Variants in HELZ2 observed in about 807,000 individuals in gnomAD.
HELZ2 encodes the protein helicase with zinc finger 2.
In HELZ2, 143 loss-of-function variants were observed where a neutral mutation model predicts 208.8. The ratio of observed to expected loss-of-function variants is 0.68; its 90% CI spans 0.60 to 0.79. The LOEUF (loss-of-function observed/expected upper bound fraction) is 0.79, where lower values mean the gene tolerates loss of function less well. Ranked by LOEUF, HELZ2 falls within the 30% of genes least tolerant of loss-of-function variation. The pLI is 0.00. For missense variants in HELZ2, 3,690 were observed against 3,794.5 expected, an observed-to-expected ratio of 0.97 and a Z score of 0.72; for synonymous variants, 1,705 against 1,693.7, an observed-to-expected ratio of 1.01 and a Z score of -0.16.
chr20:63,568,794 C>G (rs894123830), exon 5 of HELZ2: 2 of 1,611,764 alleles, frequency 1.2e-6, no homozygotes, highest in South Asian at 1.1e-5. Flanking sequence ...AGCCGCACCT[C>G]GAACACCGTA....
chr20:63,561,853 G>T, exon 11 of HELZ2: 2 of 1,565,444 alleles, frequency 1.3e-6, no homozygotes, highest in Non-Finnish European at 1.7e-6. Context: ...TTGTTGGAGG[G>T]GCCGCAGTAC....
At chr20:63,561,017 C>T in intron 14 of HELZ2, 65 bp downstream of exon 15, 1 of 1,595,322 alleles carries the variant, frequency 6.3e-7, no homozygotes. Flanking sequence ...ACACACAGGG[C>T]ACCCCAGGTG....
Position 63,562,471 on chromosome 20 carries a change from G to A in HELZ2, c.6302+49C>T, listed in dbSNP as rs774879412. The A allele has an allele frequency of 3.9e-6, 6 of 1,526,410 alleles. No individual in the cohort carries two copies. In the South Asian group the frequency reaches 5.9e-5, roughly 15 times the overall value. The allele number at this position is 1,526,410 out of a possible 1,614,324, so 94.6% of individuals were successfully genotyped here. A position where few individuals can be genotyped will look rare whatever the true frequency, so the allele number is the denominator to read the frequency against. On this transcript the variant is annotated intron_variant, in intron 8 of 18. Transcript: ENST00000467148. Reference sequence around the variant, plus strand: ...GAGCTCCCCCCTCCTGCAAGTGAGGGGCCCGGGGCGGTCCCCCAGCCCAGC... The same window carrying A: ...GAGCTCCCCCCTCCTGCAAGTGAGGAGCCCGGGGCGGTCCCCCAGCCCAGC...
Position 63,569,482 on chromosome 20 carries a change from A to G in HELZ2, c.754T>C (p.Trp252Arg), listed in dbSNP as rs777549365. Residue 252 changes from tryptophan to arginine, a missense_variant, in exon 4 of 19, where the codon TGG becomes CGG. Trp to Arg is a moderately radical substitution (Grantham distance 101, BLOSUM62 -3). Around this residue, in one of 3 missense-constraint regions of HELZ2, gnomAD observed 1,119 missense variants for 1,193.4 expected, o/e 0.94. Coordinates refer to ENST00000467148, the Ensembl canonical transcript of HELZ2. ...CGGCGGCCAAAGTCGAAGACCACCCATTGCTCAAAGGTGCCGAACGAGGCA... is the reference window on the plus strand; with the variant it reads ...CGGCGGCCAAAGTCGAAGACCACCCGTTGCTCAAAGGTGCCGAACGAGGCA... 4 of 1,611,796 alleles carry G rather than the reference A, an allele frequency of 2.5e-6. No individual in the cohort carries two copies. The highest frequency in any genetic ancestry group is 3.4e-6 in the Non-Finnish European group (4 of 1,179,406).
exon 17 of HELZ2, chr20:63,560,208 G>A (rs779461312): frequency 7.4e-5 from 115 of 1,550,030 alleles, no homozygotes; most frequent in Admixed American, 1.3e-4. Flanking sequence ...CCACCCCGGC[G>A]ATGCCCTCTC....
At position 63,571,857 on chromosome 20, in the gene HELZ2, C is replaced by T. The variant is rs1237152554; in HGVS notation, c.278+251G>A. On this transcript the variant is annotated intron_variant, in intron 1 of 18. Transcript: ENST00000467148. ...TCCTGGGAACCTCTGGCTCTGCCTACGGTGGGCTCCTGCCCTGCTCCAAGC... is the reference window on the plus strand; with the variant it reads ...TCCTGGGAACCTCTGGCTCTGCCTATGGTGGGCTCCTGCCCTGCTCCAAGC... 7.0e-4 allele frequency: 114 copies of T among 163,036 alleles called. 2 individuals are homozygous for T. The highest frequency in any genetic ancestry group is 1.9e-3 in the South Asian group (12 of 6,394). The allele number at this position is 163,036 out of a possible 1,614,324, so 10.1% of individuals were successfully genotyped here. A position where few individuals can be genotyped will look rare whatever the true frequency, so the allele number is the denominator to read the frequency against.
exon 6 of HELZ2, chr20:63,567,154 C>T (rs150780967): frequency 1.2e-5 from 19 of 1,610,080 alleles, no homozygotes; most frequent in Non-Finnish European, 1.6e-5. Context: ...GACCAGGCGG[C>T]TCTGCCGCGC....
At position 63,563,307 on chromosome 20, in the gene HELZ2, G is replaced by A. The variant is rs755817159; in HGVS notation, c.5515C>T (p.Arg1839Cys). 23 of 1,544,624 alleles carry A rather than the reference G, an allele frequency of 1.5e-5. No homozygotes were observed. In the Admixed American group the frequency reaches 2.1e-4, roughly 14 times the overall value. Residue 1839 changes from arginine (R) to cysteine (C), a missense_variant, in exon 8 of 19, where the codon CGC (arginine) becomes TGC (cysteine). Physicochemically the swap from Arg to Cys is radical, Grantham distance 180 (BLOSUM62 -3). Around this residue, in one of 3 missense-constraint regions of HELZ2, gnomAD observed 2,564 missense variants for 2,580.5 expected, o/e 0.99. Coordinates refer to ENST00000467148, the Ensembl canonical transcript of HELZ2. ...ATGAGAGCAGCCGCCTCCGGCCAGC[G>A]CTGCAGCTCCACCAGCTCCAGCAGC...
At position 63,566,244 on chromosome 20, in the gene HELZ2, C is replaced by G; in HGVS notation, c.2591-13G>C. 1 of 1,483,720 alleles carries G rather than the reference C, an allele frequency of 6.7e-7. No homozygotes were observed. The highest frequency in any genetic ancestry group is 9.0e-7 in the Non-Finnish European group (1 of 1,112,384). 91.9% of individuals were successfully genotyped at this position (1,483,720 alleles called of 1,614,324 possible). A position where few individuals can be genotyped will look rare whatever the true frequency, so the allele number is the denominator to read the frequency against. On this transcript the variant is annotated splice_polypyrimidine_tract_variant and intron_variant, in intron 7 of 18. Transcript: ENST00000467148. ...CGGAACTGCCGCCCTGCAGGGGGCACGCAGTCAGGTCAGGCTGGGTGCGCA... is the reference window on the plus strand; with the variant it reads ...CGGAACTGCCGCCCTGCAGGGGGCAGGCAGTCAGGTCAGGCTGGGTGCGCA...
chr20:63,567,619 T>C (rs1569036237), exon 6 of HELZ2: 2 of 1,600,042 alleles, frequency 1.2e-6, no homozygotes, highest in Admixed American at 1.7e-5. Context: ...GATGTAGATG[T>C]CGGCGGCACT....
At position 63,561,894 on chromosome 20, in the gene HELZ2, C is replaced by G. The variant is rs755433069; in HGVS notation, c.6620G>C (p.Gly2207Ala). ...GCAGGGACCCCCCAGCCGCTTCTCC[C>G]CACGGGGGGGGCCTCCGGGCTGCAC... is the stretch of plus-strand genomic sequence containing the variant. Residue 2207 changes from glycine (G) to alanine (A), a missense_variant, in exon 11 of 19, where the codon GGG (glycine) becomes GCG (alanine). By Grantham distance (60) the Gly-to-Ala change is moderately conservative. Around this residue, in one of 3 missense-constraint regions of HELZ2, gnomAD observed 2,564 missense variants for 2,580.5 expected, o/e 0.99. Transcript: ENST00000467148. The G allele has an allele frequency of 1.6e-5, 25 of 1,579,112 alleles. No homozygotes were observed. The Admixed American group carries it at 2.8e-4, about 17-fold the overall frequency.
Position 63,566,245 on chromosome 20 carries a change from G to A in HELZ2, c.2591-14C>T, listed in dbSNP as rs762918229. 4.7e-5 allele frequency: 69 copies of A among 1,483,022 alleles called. 1 individual carries two copies. Among genetic ancestry groups the A allele is most frequent in the South Asian group, 2.3e-4 (17 of 74,932 alleles). The allele number at this position is 1,483,022 out of a possible 1,614,324, so 91.9% of individuals were successfully genotyped here. A position where few individuals can be genotyped will look rare whatever the true frequency, so the allele number is the denominator to read the frequency against. On this transcript the variant is annotated splice_polypyrimidine_tract_variant and intron_variant, in intron 7 of 18. Coordinates refer to ENST00000467148, the Ensembl canonical transcript of HELZ2. The stretch of plus-strand genomic sequence containing the variant: ...GGAACTGCCGCCCTGCAGGGGGCAC[G>A]CAGTCAGGTCAGGCTGGGTGCGCAA...
Position 63,563,583 on chromosome 20 carries a change from C to T in HELZ2, c.5239G>A (p.Val1747Met), listed in dbSNP as rs775016595. The T allele has an allele frequency of 1.5e-5, 23 of 1,529,724 alleles. No individual in the cohort carries two copies. The highest frequency in any genetic ancestry group is 2.4e-5 in the South Asian group (2 of 83,990). The allele number at this position is 1,529,724 out of a possible 1,614,324, so 94.8% of individuals were successfully genotyped here. ...CGGAAGCAGCGGGAGCCCGCCTCCA[C>T]GTCCACCACGAAGCCCAGCTTGTCC... The change falls in exon 8 of 19, where the codon GTG becomes ATG. Residue 1747 changes from valine to methionine, a missense_variant. Val to Met is a conservative substitution (Grantham distance 21, BLOSUM62 1). Coordinates refer to ENST00000467148, the Ensembl canonical transcript of HELZ2.
exon 18 of HELZ2, chr20:63,559,955 G>C: frequency 6.2e-7 from 1 of 1,610,086 alleles, no homozygotes; most frequent in East Asian, 2.2e-5. Flanking sequence ...TCCTGGGCCC[G>C]CGTGACAGCC....
exon 6 of HELZ2, chr20:63,567,168 C>T (rs1331010205): frequency 6.2e-7 from 1 of 1,609,404 alleles, no homozygotes; most frequent in Non-Finnish European, 8.5e-7. Flanking sequence ...GCCGCGCCAC[C>T]TCGTGAGTCT....
chr20:63,561,759 G>A lies in HELZ2; in HGVS notation c.6692-14C>T, dbSNP rs762789434. ...TCAGGAGCAGTCCTGAGGGTAGTTG[G>A]GGGACGTGAGTCCTGCCCCGCGTGC... On this transcript the variant is annotated splice_polypyrimidine_tract_variant and intron_variant, in intron 11 of 18. Transcript: ENST00000467148. The A allele has an allele frequency of 2.5e-6, 4 of 1,580,326 alleles. No individual in the cohort carries two copies. The African/African-American group carries it at 4.0e-5, about 16-fold the overall frequency.
At chr20:63,564,156 G>T in exon 8 of HELZ2, 1 of 1,611,690 alleles carries the variant, frequency 6.2e-7, no homozygotes, top group East Asian at 2.2e-5. Flanking sequence ...CGGGGTGCTG[G>T]CTGCCACCGC....
At chr20:63,566,109 C>A (rs768023942) in exon 8 of HELZ2, 1 of 1,583,956 alleles carries the variant, frequency 6.3e-7, no homozygotes, top group Non-Finnish European at 8.5e-7. Context: ...TGGGACTGGG[C>A]GCGGGTCAGG....
rs112643756 is a variant in HELZ2, at chr20:63,564,310, G to A, written c.4512C>T (p.Asp1504=). The change falls in exon 8 of 19, where the codon GAC becomes GAT. Residue 1504 remains aspartate, a synonymous_variant. Coordinates refer to ENST00000467148, the Ensembl canonical transcript of HELZ2. ...CCTCGTCCGGCTGCTCATAGAAGCA[G>A]TCGGACCGCAGGCGGTGCCGGCGCA... 1.1e-3 allele frequency: 1,722 copies of A among 1,601,712 alleles called. 23 individuals are homozygous for A. In the African/African-American group the frequency reaches 0.02, roughly 19 times the overall value.
Sources: allele counts gnomAD v4.1 joint callset, GRCh38; gene constraint gnomAD v4.1.1; regional missense constraint gnomAD v4.1.1; transcripts MANE v1.5; gene names NCBI Gene and HGNC (gene_info 2026-07-23, HGNC 2026-07-21).